The following PBX3 variants were observed in gnomAD, a reference collection of about 807,000 sequenced individuals.
The protein encoded by PBX3 is pre-B-cell leukemia transcription factor 3.
In PBX3, 14 loss-of-function variants were observed where a neutral mutation model predicts 48.5. The observed-to-expected ratio is 0.29, with a 90% CI of 0.19 to 0.45. The LOEUF (loss-of-function observed/expected upper bound fraction) is 0.45. Among genes scored for constraint, PBX3 ranks in the 20% least tolerant of loss-of-function variants. PBX3 has a pLI of 1.00. For synonymous variants in PBX3, 210 were observed against 200.3 expected (o/e 1.05, Z -0.41); for missense variants, 386 against 546.7 (o/e 0.71, Z 2.93).
intron 2 of PBX3, among the ~76,000 whole-genome samples, chr9:125,781,593 CG>C (rs200949371): frequency 0.012 from 1,722 of 145,786 alleles, 71 homozygotes; most frequent in East Asian, 0.12. Context: ...AGGCGAGAGG[CG>C]AGAGGGAGAG....
chr9:125,782,693 A>G (rs1837354041), intron 2 of PBX3, among the ~76,000 whole-genome samples: 1 of 151,982 alleles, frequency 6.6e-6, no homozygotes, highest in African/African-American at 2.4e-5. Context: ...GTGTCCTTTT[A>G]TTTCAGCCCG....
intron 2 of PBX3, among the ~76,000 whole-genome samples, chr9:125,890,206 A>T (rs1460695153): frequency 2.6e-5 from 4 of 152,222 alleles, no homozygotes; most frequent in Non-Finnish European, 5.9e-5. Context: ...CATAACCACC[A>T]TGTGAACATT....
chr9:125,860,770 G>A (rs374313818), intron 2 of PBX3, among the ~76,000 whole-genome samples: 4 of 151,030 alleles, frequency 2.6e-5, no homozygotes, highest in African/African-American at 4.9e-5. Context: ...ACCTGTAGTC[G>A]TAGCTACTTG....
At chr9:125,882,204 G>A (rs1381816106) in intron 2 of PBX3, among the ~76,000 whole-genome samples, 1 of 151,900 alleles carries the variant, frequency 6.6e-6, no homozygotes, top group East Asian at 1.9e-4. Context: ...CAGCATGGGG[G>A]ACAGGGAGAC....
intron 2 of PBX3, among the ~76,000 whole-genome samples, chr9:125,846,836 A>G (rs1288078296): frequency 1.3e-5 from 2 of 152,004 alleles, no homozygotes; most frequent in Non-Finnish European, 2.9e-5. Context: ...AATGCAGGTA[A>G]GGTCTACTCA....
intron 2 of PBX3, among the ~76,000 whole-genome samples, chr9:125,864,777 T>G (rs1390348507): frequency 6.6e-6 from 1 of 152,314 alleles, no homozygotes; most frequent in South Asian, 2.1e-4. Context: ...TGCCCGTCGC[T>G]CACCTCTTGC....
At position 125,967,323 on chromosome 9, in the gene PBX3, G is replaced by A. The variant is rs1244412917; in HGVS notation, c.*1400G>A. ...ACCCTGGATTGAAAAAGTCTTCCTC[G>A]TGGTAGTTATATGTAGTTTCAAACA... is the stretch of plus-strand genomic sequence containing the variant. On this transcript the variant is annotated 3_prime_UTR_variant, in exon 9 of 9. Transcript: ENST00000373489. 3 of 152,608 alleles carry A rather than the reference G, an allele frequency of 2.0e-5. No homozygotes were observed. The highest frequency in any genetic ancestry group is 7.2e-5 in the African/African-American group (3 of 41,440). The allele number at this position is 152,608 out of a possible 1,614,324, so 9.5% of individuals were successfully genotyped here.
rs557570914 is a variant in PBX3, at chr9:125,861,005, A to G, written c.275-54681A>G. On this transcript the variant is annotated intron_variant, in intron 2 of 8. Coordinates refer to ENST00000373489, the MANE Select transcript of PBX3 (RefSeq NM_006195.6). ...ATGATTATAATGAAAAAGGCAGGCC[A>G]GGCATGGTGGCTCATCATGCCTATA... 2.6e-5 allele frequency among the ~76,000 whole-genome samples: 4 copies of G among 151,848 alleles called. No homozygotes were observed. In the South Asian group the frequency reaches 8.4e-4, roughly 32 times the overall value.
At chr9:125,857,016 A>C (rs185853155) in intron 2 of PBX3, among the ~76,000 whole-genome samples, 1 of 152,350 alleles carries the variant, frequency 6.6e-6, no homozygotes, top group Non-Finnish European at 1.5e-5. Context: ...TAAATGAAGA[A>C]GATATACCTA....
At chr9:125,757,039 T>C (rs1836536573) in intron 2 of PBX3, among the ~76,000 whole-genome samples, 1 of 152,182 alleles carries the variant, frequency 6.6e-6, no homozygotes, top group Non-Finnish European at 1.5e-5. Context: ...TCTACAGGCT[T>C]TCAGATGTAC....
At chr9:125,880,663 T>C (rs1300733902) in intron 2 of PBX3, among the ~76,000 whole-genome samples, 1 of 152,240 alleles carries the variant, frequency 6.6e-6, no homozygotes, top group Non-Finnish European at 1.5e-5. Context: ...TCTAGTATTC[T>C]AAGTCTGTAT....
At chr9:125,897,217 A>G (rs566495798) in intron 2 of PBX3, among the ~76,000 whole-genome samples, 1 of 146,858 alleles carries the variant, frequency 6.8e-6, no homozygotes, top group South Asian at 2.1e-4. Context: ...TTAGGCTAAC[A>G]TTTCTTAACT....
chr9:125,851,491 G>C lies in PBX3; in HGVS notation c.275-64195G>C, dbSNP rs1043228360. ...ATTAGTACACCCCACAGGCCATTAG[G>C]AGATATTTTATAGAAGCATCTTTTT... On this transcript the variant is annotated intron_variant, in intron 2 of 8. Transcript: ENST00000373489. Among the ~76,000 whole-genome samples the C allele has an allele frequency of 3.3e-5, 5 of 152,044 alleles. No individual in the cohort carries two copies. In the South Asian group the frequency reaches 8.3e-4, roughly 25 times the overall value.
intron 3 of PBX3, 110 bp downstream of exon 3, chr9:125,916,037 AAAAT>A: frequency 1.4e-6 from 2 of 1,421,564 alleles, no homozygotes; most frequent in South Asian, 2.9e-5. Flanking sequence ...CACAAATTAC[AAAAT>A]AAATAAGGTC....
chr9:125,965,613 G>T (rs112842358), intron 8 of PBX3, among the ~76,000 whole-genome samples: 17 of 152,176 alleles, frequency 1.1e-4, no homozygotes, highest in Non-Finnish European at 1.3e-4. Flanking sequence ...CTTCTTCGGC[G>T]TGTTGATTTA....
At chr9:125,765,590 T>C (rs1024957333) in intron 2 of PBX3, among the ~76,000 whole-genome samples, 37 of 152,258 alleles carry the variant, frequency 2.4e-4, no homozygotes, top group African/African-American at 8.4e-4. Context: ...CTGTTTTTTT[T>C]CTTCTTTACT....
chr9:125,862,640 C>T (rs1253919050), intron 2 of PBX3, among the ~76,000 whole-genome samples: 2 of 152,116 alleles, frequency 1.3e-5, no homozygotes, highest in African/African-American at 4.8e-5. Context: ...CCGCCTTGGA[C>T]TCCCAAAGTG....
intron 2 of PBX3, among the ~76,000 whole-genome samples, chr9:125,828,455 C>T (rs770708211): frequency 6.6e-6 from 1 of 152,174 alleles, no homozygotes; most frequent in Non-Finnish European, 1.5e-5. Context: ...TACAGCTCTT[C>T]TGCTATCTTG....
intron 2 of PBX3, among the ~76,000 whole-genome samples, chr9:125,808,382 A>C (rs1838189244): frequency 6.6e-6 from 1 of 152,166 alleles, no homozygotes; most frequent in Non-Finnish European, 1.5e-5. Flanking sequence ...ATGTTTCATA[A>C]AGTCTCTGTA....
Sources: gnomAD v4.1 joint callset for allele counts (sites outside exome capture counted in the v4.1 genomes callset) on GRCh38, gnomAD v4.1.1 for gene constraint, MANE v1.5 for transcripts, NCBI Gene and HGNC (gene_info 2026-07-23, HGNC 2026-07-21) for gene names.